SERPINB8: variants seen among roughly 807,000 people sequenced by gnomAD.
The protein encoded by SERPINB8 is serpin family B member 8.
A neutral mutation model predicts 35.3 loss-of-function variants in SERPINB8; 25 were observed. That is an observed-to-expected ratio of 0.71 (90% CI 0.52 to 0.99). SERPINB8 has a LOEUF of 0.99. SERPINB8 is among the 50% of genes least tolerant of loss of function. The pLI is 0.00. For missense variants in SERPINB8, 484 were observed against 446.5 expected (o/e 1.08, Z -0.76); for synonymous variants, 186 against 160.8 (o/e 1.16, Z -1.19).
chr18:64,011,307 T>A (rs763406290), intron 7 of SERPINB8, among the ~76,000 whole-genome samples: 3 of 151,982 alleles, frequency 2.0e-5, no homozygotes, highest in Admixed American at 6.6e-5. Flanking sequence ...GCTATTAATA[T>A]AAAAAAGTAG....
chr18:63,995,244 T>C (rs2050843668), intron 1 of SERPINB8, among the ~76,000 whole-genome samples: 2 of 152,162 alleles, frequency 1.3e-5, no homozygotes, highest in South Asian at 4.1e-4. Context: ...AGCTAGACTT[T>C]TACAAATTAA....
At chr18:64,009,613 T>C (rs768312097), downstream of SERPINB8, among the ~76,000 whole-genome samples, 1 of 152,170 alleles carries the variant, frequency 6.6e-6, no homozygotes, top group Non-Finnish European at 1.5e-5. Context: ...CCCAGTGTAG[T>C]GTGCTGGGAA....
intron 1 of SERPINB8, among the ~76,000 whole-genome samples, chr18:64,000,858 A>G (rs2144841069): frequency 6.6e-6 from 1 of 152,240 alleles, no homozygotes; most frequent in East Asian, 1.9e-4. Flanking sequence ...GGACCACCTC[A>G]ACACCTGGCA....
At chr18:64,016,536 T>C (rs888456070) in intron 7 of SERPINB8, among the ~76,000 whole-genome samples, 1 of 152,160 alleles carries the variant, frequency 6.6e-6, no homozygotes, top group Non-Finnish European at 1.5e-5. Context: ...GGGAAGTCAG[T>C]GATTAAAAAG....
chr18:63,999,494 C>T (rs1182863171), intron 1 of SERPINB8, among the ~76,000 whole-genome samples: 1 of 152,094 alleles, frequency 6.6e-6, no homozygotes, highest in Admixed American at 6.6e-5. Context: ...CTATTTTGGC[C>T]TTGATGGTGG....
chr18:63,977,716 C>A (rs529270689), intron 1 of SERPINB8, among the ~76,000 whole-genome samples: 43 of 152,288 alleles, frequency 2.8e-4, no homozygotes, highest in African/African-American at 7.7e-4. Context: ...AAGAGGGATA[C>A]AAGTCATAGG....
intron 6 of SERPINB8, among the ~76,000 whole-genome samples, chr18:63,985,618 G>A (rs1417063284): frequency 2.0e-5 from 3 of 152,188 alleles, no homozygotes; most frequent in African/African-American, 7.2e-5. Flanking sequence ...TATGATTCTA[G>A]TGATCTTGTT....
At chr18:63,981,559 A>G (rs1036218906) in intron 3 of SERPINB8, among the ~76,000 whole-genome samples, 162 bp from the exon 4 acceptor site, 1 of 152,202 alleles carries the variant, frequency 6.6e-6, no homozygotes, top group African/African-American at 2.4e-5. Flanking sequence ...AGGCAAGAAT[A>G]GGTGGCCCAT....
downstream of SERPINB8, among the ~76,000 whole-genome samples, chr18:63,989,956 A>AC (rs1317949298): frequency 6.7e-6 from 1 of 149,216 alleles, no homozygotes; most frequent in Admixed American, 6.6e-5. Context: ...AAAAAAAAAA[A>AC]AAAAAAAAAA....
At chr18:63,996,592 G>A (rs2050850726) in intron 1 of SERPINB8, among the ~76,000 whole-genome samples, 1 of 152,188 alleles carries the variant, frequency 6.6e-6, no homozygotes, top group South Asian at 2.1e-4. Context: ...GGGGAGAGTT[G>A]CTTGCCTGGA....
chr18:63,973,176 C>T (rs1323837890), intron 1 of SERPINB8, among the ~76,000 whole-genome samples: 2 of 152,184 alleles, frequency 1.3e-5, no homozygotes, highest in African/African-American at 4.8e-5. Context: ...TTTTAATGAT[C>T]ACCATTCTAA....
Position 63,984,880 on chromosome 18 carries a change from G to GT in SERPINB8, c.568-203dup, listed in dbSNP as rs11432695. Among the ~76,000 whole-genome samples the GT allele has an allele frequency of 0.42, 58,885 of 141,420 alleles. 12,042 individuals are homozygous for GT. The highest frequency in any genetic ancestry group is 0.57 in the African/African-American group (22,127 of 39,030). 92.8% of individuals were successfully genotyped at this position (141,420 alleles called of 152,430 possible). On this transcript the variant is annotated intron_variant, in intron 5 of 6. Coordinates refer to ENST00000397985, the MANE Select transcript of SERPINB8 (RefSeq NM_002640.4). ...TGTGTCCTTCTCCATTTACCAAACT[G>GT]TTTTTTTTTTCTCACCTGGTAATAT...
intron 1 of SERPINB8, among the ~76,000 whole-genome samples, chr18:63,972,147 G>C (rs971592007): frequency 6.6e-6 from 1 of 152,126 alleles, no homozygotes; most frequent in Non-Finnish European, 1.5e-5. Context: ...GCTGGAGGCC[G>C]TGTTTCCCTA....
intron 1 of SERPINB8, among the ~76,000 whole-genome samples, chr18:63,974,485 C>A (rs576512809): frequency 6.6e-6 from 1 of 152,150 alleles, no homozygotes; most frequent in African/African-American, 2.4e-5. Context: ...CTGACTCTCA[C>A]TTTTTCTGTG....
In SERPINB8 at chr18:63,987,145, C is replaced by T. The variant is rs760588603; in HGVS notation, c.992C>T (p.Ala331Val). The T allele has an allele frequency of 1.2e-6, 2 of 1,614,172 alleles. No homozygotes were observed. Among genetic ancestry groups the T allele is most frequent in the Non-Finnish European group, 1.7e-6 (2 of 1,180,026 alleles). Residue 331 changes from alanine to valine, a missense_variant, in exon 7 of 7, where the codon GCC (alanine) becomes GTC (valine). By Grantham distance (64) the Ala-to-Val change is moderately conservative. Coordinates refer to ENST00000397985, the MANE Select transcript of SERPINB8 (RefSeq NM_002640.4). ...GAGGAAGGCACAGAGGCTGCCGCAG[C>T]CACTGCTGTGGTCAGGAATTCCCGG... ...VNEEGTEAAA[A>V]TAVVRNSRCS...
chr18:63,987,356 G>T lies in SERPINB8; in HGVS notation c.*78G>T. ...ATTAACATTCCCTGTGACCTAGTTG[G>T]TGCAGTGGCTTGAATGCCAAAATAA... is the stretch of plus-strand genomic sequence containing the variant. On this transcript the variant is annotated 3_prime_UTR_variant, in exon 7 of 7. Transcript: ENST00000397985. The T allele has an allele frequency of 6.9e-7, 1 of 1,451,504 alleles. No individual in the cohort carries two copies. Among genetic ancestry groups the T allele is most frequent in the Non-Finnish European group, 9.4e-7 (1 of 1,069,100 alleles). The allele number at this position is 1,451,504 out of a possible 1,614,324, so 89.9% of individuals were successfully genotyped here. A position where few individuals can be genotyped will look rare whatever the true frequency, so the allele number is the denominator to read the frequency against.
In SERPINB8 at chr18:63,985,287, C is replaced by T. The variant is rs778646880; in HGVS notation, c.720+42C>T. 3 of 1,601,980 alleles carry T rather than the reference C, an allele frequency of 1.9e-6. No homozygotes were observed. In the East Asian group the frequency reaches 6.7e-5, roughly 36 times the overall value. On this transcript the variant is annotated intron_variant, in intron 6 of 6. Transcript: ENST00000397985. ...GAGCCTGAGTATCTGTGGAGTCCAG[C>T]TGAGCTCATTTCTTTATGTTCATCT...
At chr18:64,019,721 A>C (rs1306474184) in exon 8 of SERPINB8, 1 of 151,876 alleles carries the variant, frequency 6.6e-6, no homozygotes, top group Non-Finnish European at 1.5e-5. Flanking sequence ...TTGATGGCCC[A>C]TGAACTCCCG....
chr18:63,986,975 GGA>G lies in SERPINB8; in HGVS notation c.826_827del (p.Ser276LeufsTer2). 1 of 1,614,206 alleles carries G rather than the reference GGA, an allele frequency of 6.2e-7. No individual in the cohort carries two copies. Among genetic ancestry groups the G allele is most frequent in the Non-Finnish European group, 8.5e-7 (1 of 1,180,020 alleles). ...QVFLPRLKLE[E>X]SYDLEPFLRR... Reference sequence around the variant, plus strand: ...TTTTCCTTCCCAGATTAAAGCTGGAGGAGAGTTATGACTTGGAGCCTTTCCTT... The same window carrying G: ...TTTTCCTTCCCAGATTAAAGCTGGAGGAGTTATGACTTGGAGCCTTTCCTT... On this transcript the variant is annotated frameshift_variant, in exon 7 of 7. Coordinates refer to ENST00000397985, the MANE Select transcript of SERPINB8 (RefSeq NM_002640.4). LOFTEE classifies it high-confidence loss of function.
Sources: gnomAD v4.1 joint callset for allele counts (sites outside exome capture counted in the v4.1 genomes callset) on GRCh38, gnomAD v4.1.1 for gene constraint, MANE v1.5 for transcripts, NCBI Gene and HGNC (gene_info 2026-07-23, HGNC 2026-07-21) for gene names.